MRE11: variants seen among roughly 807,000 people sequenced by gnomAD.
MRE11 encodes double-strand break repair protein MRE11.
In MRE11, 62 loss-of-function variants were observed where a neutral mutation model predicts 91.7. The observed-to-expected ratio is 0.68, with a 90% CI of 0.55 to 0.84. The LOEUF (loss-of-function observed/expected upper bound fraction) is 0.84, where lower values mean the gene tolerates loss of function less well. Ranked by LOEUF, MRE11 falls within the 40% of genes least tolerant of loss-of-function variation. The probability of loss-of-function intolerance (pLI) is 0.00; values close to 1 mark genes in which losing one functional copy is unlikely to be tolerated. For synonymous variants in MRE11, 273 were observed against 271.4 expected, an observed-to-expected ratio of 1.01 and a Z score of -0.06; for missense variants, 796 against 852.9, an observed-to-expected ratio of 0.93 and a Z score of 0.83.
intron 8 of MRE11, among the ~76,000 whole-genome samples, chr11:94,470,847 A>C (rs1565228406): frequency 6.6e-6 from 1 of 152,102 alleles, no homozygotes; most frequent in Non-Finnish European, 1.5e-5. Context: ...AGTAAAATCA[A>C]CTCATCCATT....
chr11:94,496,648 A>C (rs758499757), upstream of MRE11: 1 of 1,480,468 alleles, frequency 6.8e-7, no homozygotes, highest in Non-Finnish European at 9.0e-7. Flanking sequence ...AGAAAGATTT[A>C]TATCCTGGCA....
chr11:94,419,150 AG>A lies in MRE11; in HGVS notation c.*974del. On this transcript the variant is annotated 3_prime_UTR_variant, in exon 20 of 20. Transcript: ENST00000323929. ...TAATTCTTATTTCTCCCCGAAAACAAGTAAAAAATAGAAGCTTAACATGGGC... is the reference window on the plus strand; with the variant it reads ...TAATTCTTATTTCTCCCCGAAAACAATAAAAAATAGAAGCTTAACATGGGC... 8.6e-6 allele frequency: 2 copies of A among 232,736 alleles called. No individual in the cohort carries two copies. The highest frequency in any genetic ancestry group is 1.3e-3 in the Middle Eastern group (1 of 782). The allele number at this position is 232,736 out of a possible 1,614,324, so 14.4% of individuals were successfully genotyped here. A position where few individuals can be genotyped will look rare whatever the true frequency, so the allele number is the denominator to read the frequency against.
chr11:94,432,527 G>A lies in MRE11; in HGVS notation c.1995-2541C>T, dbSNP rs114087014. Among the ~76,000 whole-genome samples, 432 of 152,284 alleles carry A rather than the reference G, an allele frequency of 2.8e-3. 2 individuals are homozygous for A. The highest frequency in any genetic ancestry group is 0.01 in the African/African-American group (418 of 41,546). On this transcript the variant is annotated intron_variant, in intron 18 of 19. Transcript: ENST00000323929. The stretch of plus-strand genomic sequence containing the variant: ...AGTACCATTTCAAACCCCTTATCTG[G>A]GACGAGCACGGTGGCTCATGCCTGT...
At chr11:94,478,713 C>A in intron 6 of MRE11, 22 bp downstream of exon 6, 1 of 1,611,102 alleles carries the variant, frequency 6.2e-7, no homozygotes, top group Non-Finnish European at 8.5e-7. Flanking sequence ...TGGACATAAA[C>A]AGTAAAATAA....
intron 19 of MRE11, among the ~76,000 whole-genome samples, chr11:94,429,266 C>G (rs1020889718): frequency 1.3e-5 from 2 of 152,152 alleles, no homozygotes; most frequent in African/African-American, 4.8e-5. Context: ...CCATTATAAG[C>G]CATTTGGAAA....
At chr11:94,432,177 T>A (rs905533098) in intron 18 of MRE11, among the ~76,000 whole-genome samples, 1 of 152,168 alleles carries the variant, frequency 6.6e-6, no homozygotes, top group Non-Finnish European at 1.5e-5. Flanking sequence ...TACACATAAA[T>A]GAGCCTGAGA....
rs1945085860 is a variant in MRE11, at chr11:94,418,687, A to C, written c.*1438T>G. On this transcript the variant is annotated 3_prime_UTR_variant, in exon 20 of 20. Transcript: ENST00000323929. Reference sequence around the variant, plus strand: ...ACTAGAAATATTAGATTTCAAGTTCAATAAAGATGTGGGCAGATCTGCCTA... The same window carrying C: ...ACTAGAAATATTAGATTTCAAGTTCCATAAAGATGTGGGCAGATCTGCCTA... 1 of 232,486 alleles carries C rather than the reference A, an allele frequency of 4.3e-6. No homozygotes were observed. The highest frequency in any genetic ancestry group is 1.8e-4 in the South Asian group (1 of 5,520). The allele number at this position is 232,486 out of a possible 1,614,324, so 14.4% of individuals were successfully genotyped here.
intron 11 of MRE11, among the ~76,000 whole-genome samples, chr11:94,463,341 C>A (rs575413075): frequency 4.5e-4 from 68 of 152,128 alleles, no homozygotes; most frequent in Non-Finnish European, 8.7e-4. Flanking sequence ...TGGGACTGTA[C>A]ACTAGTTCAA....
chr11:94,432,319 T>C (rs1225383258), intron 18 of MRE11, among the ~76,000 whole-genome samples: 1 of 152,238 alleles, frequency 6.6e-6, no homozygotes, highest in Non-Finnish European at 1.5e-5. Flanking sequence ...TCTGCAACTC[T>C]ATACTCTCCC....
chr11:94,438,490 C>T (rs1250298516), intron 16 of MRE11, among the ~76,000 whole-genome samples: 2 of 152,160 alleles, frequency 1.3e-5, no homozygotes, highest in Non-Finnish European at 2.9e-5. Context: ...CTACTCTACT[C>T]AAAAGGCTAG....
At chr11:94,484,726 C>A (rs982754518) in intron 4 of MRE11, among the ~76,000 whole-genome samples, 3 of 152,142 alleles carry the variant, frequency 2.0e-5, no homozygotes, top group South Asian at 2.1e-4. Context: ...TATTCTCCCC[C>A]AAAACCTGTA....
intron 11 of MRE11, among the ~76,000 whole-genome samples, chr11:94,462,939 G>T (rs188757184): frequency 3.9e-4 from 59 of 152,190 alleles, no homozygotes; most frequent in African/African-American, 1.3e-3. Context: ...TGGGATCTAA[G>T]TAAACTAAAG....
At chr11:94,475,439 T>G (rs972628640) in intron 7 of MRE11, 2 of 350,348 alleles carry the variant, frequency 5.7e-6, no homozygotes, top group African/African-American at 4.3e-5. Context: ...AAGGGACAAC[T>G]GTAATAAATT....
At chr11:94,475,238 T>G (rs959654917) in intron 7 of MRE11, 1 of 153,144 alleles carries the variant, frequency 6.5e-6, no homozygotes, top group African/African-American at 2.4e-5. Flanking sequence ...ATATAAATTT[T>G]TAAAGCAATA....
intron 18 of MRE11, among the ~76,000 whole-genome samples, chr11:94,430,720 C>T (rs12708329): frequency 0.032 from 4,913 of 152,166 alleles, 178 homozygotes; most frequent in African/African-American, 0.086. Context: ...CCGCCCACCT[C>T]GGCCTCCCAA....
intron 14 of MRE11, among the ~76,000 whole-genome samples, chr11:94,449,958 AT>A (rs1211265892): frequency 6.6e-6 from 1 of 152,050 alleles, no homozygotes; most frequent in African/African-American, 2.4e-5. Flanking sequence ...TATTTATTGC[AT>A]TTTCTGCATT....
chr11:94,497,992 C>T (rs1355808230), upstream of MRE11: 2 of 1,110,910 alleles, frequency 1.8e-6, no homozygotes, highest in East Asian at 4.9e-5. Flanking sequence ...TTAATTAAAT[C>T]TAACACCACA....
At chr11:94,457,887 T>TCACACA (rs1555008822) in intron 13 of MRE11, among the ~76,000 whole-genome samples, 106 of 144,224 alleles carry the variant, frequency 7.3e-4, no homozygotes, top group Middle Eastern at 3.5e-3. Flanking sequence ...TCTCTCTCTC[T>TCACACA]CACACACACA....
chr11:94,432,446 C>A (rs1565203716), intron 18 of MRE11, among the ~76,000 whole-genome samples: 1 of 152,146 alleles, frequency 6.6e-6, no homozygotes, highest in East Asian at 1.9e-4. Flanking sequence ...TTGAGGTGAT[C>A]CTATCCATCC....
Sources: gnomAD v4.1 joint callset for allele counts (sites outside exome capture counted in the v4.1 genomes callset) on GRCh38, gnomAD v4.1.1 for gene constraint, MANE v1.5 for transcripts, NCBI Gene and HGNC (gene_info 2026-07-23, HGNC 2026-07-21) for gene names.